ZNG1B: variants seen among roughly 807,000 people sequenced by gnomAD.
ZNG1B encodes Zn regulated GTPase metalloprotein activator 1B, also known as zinc-regulated GTPase metalloprotein activator 1B.
chr2:113,468,203 C>T, the ZNG1B span, among the ~76,000 whole-genome samples: 1 of 150,946 alleles, frequency 6.6e-6, no homozygotes, highest in African/African-American at 2.4e-5. Flanking sequence ...TTGCAGTTTG[C>T]TCAGCTATTT....
the ZNG1B span, among the ~76,000 whole-genome samples, chr2:113,454,995 TG>T: frequency 5.3e-5 from 8 of 152,096 alleles, no homozygotes; most frequent in East Asian, 1.2e-3. Context: ...TGATAAAATT[TG>T]GAATTATAAT....
At chr2:113,494,138 A>C in the ZNG1B span, 1 of 1,323,354 alleles carries the variant, frequency 7.6e-7, no homozygotes, top group Non-Finnish European at 9.9e-7. Context: ...TCATGACTGA[A>C]AAGGAGCTTT....
chr2:113,487,437 A>G, the ZNG1B span, among the ~76,000 whole-genome samples: 36 of 152,184 alleles, frequency 2.4e-4, 1 homozygote, highest in Admixed American at 1.8e-3. Context: ...GGTACAATAT[A>G]GTATTGTTAA....
At chr2:113,463,723 A>C in the ZNG1B span, among the ~76,000 whole-genome samples, 1 of 151,892 alleles carries the variant, frequency 6.6e-6, no homozygotes, top group South Asian at 2.1e-4. Flanking sequence ...CATAATGCCT[A>C]TCATAAGTTT....
the ZNG1B span, among the ~76,000 whole-genome samples, chr2:113,459,261 T>C: frequency 6.6e-6 from 1 of 151,314 alleles, no homozygotes; most frequent in African/African-American, 2.4e-5. Flanking sequence ...AGTTTTGTTT[T>C]CCTCAAAATA....
chr2:113,462,217 T>G, the ZNG1B span, among the ~76,000 whole-genome samples: 1 of 152,234 alleles, frequency 6.6e-6, no homozygotes, highest in African/African-American at 2.4e-5. Context: ...TCATCCACAT[T>G]GAACAATTAG....
the ZNG1B span, among the ~76,000 whole-genome samples, chr2:113,486,807 A>G: frequency 6.6e-6 from 1 of 152,204 alleles, no homozygotes; most frequent in African/African-American, 2.4e-5. Context: ...TTGGAGTCGT[A>G]TTTTGCGACA....
the ZNG1B span, among the ~76,000 whole-genome samples, chr2:113,461,041 A>ATG: frequency 1.4e-5 from 2 of 146,990 alleles, no homozygotes; most frequent in East Asian, 2.0e-4. Flanking sequence ...ATATATATAT[A>ATG]TATGTATAAT....
At chr2:113,486,233 CCTTAT>C in the ZNG1B span, among the ~76,000 whole-genome samples, 16 of 124,200 alleles carry the variant, frequency 1.3e-4, no homozygotes, top group Non-Finnish European at 3.3e-5. Context: ...GAGTTGTGAC[CCTTAT>C]CTTCTGCACT....
the ZNG1B span, chr2:113,439,087 G>C: frequency 1.9e-6 from 3 of 1,541,318 alleles, no homozygotes; most frequent in Non-Finnish European, 2.6e-6. Context: ...TTTCAAACGT[G>C]CCGCTCGGGC....
chr2:113,454,238 T>C, the ZNG1B span, among the ~76,000 whole-genome samples: 3 of 152,190 alleles, frequency 2.0e-5, no homozygotes, highest in Non-Finnish European at 4.4e-5. Context: ...TAAGCATATG[T>C]TATGTAAAAC....
chr2:113,450,559 CT>C, the ZNG1B span, among the ~76,000 whole-genome samples: 1 of 138,848 alleles, frequency 7.2e-6, no homozygotes, highest in East Asian at 2.5e-4. Context: ...TTTTCAAGTT[CT>C]TCATTATGAT....
the ZNG1B span, among the ~76,000 whole-genome samples, chr2:113,443,053 C>G: frequency 6.6e-6 from 1 of 151,252 alleles, no homozygotes; most frequent in African/African-American, 2.4e-5. Context: ...ACTGCAACCT[C>G]CGCCTCCCGG....
chr2:113,456,999 A>G, the ZNG1B span: 3 of 454,572 alleles, frequency 6.6e-6, no homozygotes, highest in Non-Finnish European at 1.3e-5. Context: ...GGTAATTGAT[A>G]TCATGGGGTA....
the ZNG1B span, chr2:113,462,819 T>C: frequency 2.3e-6 from 1 of 441,486 alleles, no homozygotes; most frequent in Non-Finnish European, 4.0e-6. Context: ...TAATTCACTT[T>C]CCCATGGATG....
the ZNG1B span, among the ~76,000 whole-genome samples, chr2:113,473,445 G>T: frequency 0.041 from 6,028 of 147,054 alleles, 288 homozygotes; most frequent in African/African-American, 0.15. Context: ...GGGACAATTT[G>T]ACTTCCTCTT....
Sources: gnomAD v4.1 joint callset for allele counts (sites outside exome capture counted in the v4.1 genomes callset) on GRCh38, gnomAD v4.1.1 for gene constraint, MANE v1.5 for transcripts, NCBI Gene and HGNC (gene_info 2026-07-23, HGNC 2026-07-21) for gene names.